KRT8: variants seen among roughly 807,000 people sequenced by gnomAD.
KRT8 encodes keratin, type II cytoskeletal 8.
KRT8 carries 24 observed loss-of-function variants against 43.0 expected under a neutral mutation model. That is an observed-to-expected ratio of 0.56 (90% CI 0.40 to 0.78). The LOEUF is 0.78. KRT8 is among the 30% of genes least tolerant of loss of function. The pLI is 0.00. For missense variants in KRT8, 492 were observed against 638.4 expected (o/e 0.77, Z 2.47); for synonymous variants, 214 against 261.2 (o/e 0.82, Z 1.74).
At chr12:52,899,965 T>C in exon 5 of KRT8, 1 of 1,613,452 alleles carries the variant, frequency 6.2e-7, no homozygotes, top group Non-Finnish European at 8.5e-7. Flanking sequence ...GTACTGTGCC[T>C]TGACCTCAGC....
chr12:52,922,184 TAAAAAAAAAAAAAAAAAAAAAAAA>T (rs57023136), intron 2 of KRT8, among the ~76,000 whole-genome samples: 1 of 38,674 alleles, frequency 2.6e-5, no homozygotes, highest in Non-Finnish European at 4.4e-5. Context: ...ACCCTGTCTC[TAAAAAAAAAAAAAAAAAAAAAAAA>T]AAAAAAAAAA....
At chr12:52,921,280 C>T (rs1941881302) in intron 2 of KRT8, among the ~76,000 whole-genome samples, 1 of 152,182 alleles carries the variant, frequency 6.6e-6, no homozygotes, top group African/African-American at 2.4e-5. Context: ...GGTGACCATC[C>T]AGGGAACATT....
intron 2 of KRT8, among the ~76,000 whole-genome samples, chr12:52,929,044 C>A (rs1274934327): frequency 6.6e-6 from 1 of 152,178 alleles, no homozygotes; most frequent in African/African-American, 2.4e-5. Flanking sequence ...CTCCTACATC[C>A]CCAACCCTAG....
intron 2 of KRT8, chr12:52,949,153 C>T (rs774095001): frequency 1.3e-6 from 2 of 1,566,866 alleles, no homozygotes; most frequent in African/African-American, 1.4e-5. Context: ...GAGTCCTGTC[C>T]TTTCTCTCTC....
intron 2 of KRT8, among the ~76,000 whole-genome samples, chr12:52,943,101 T>C (rs1403320888): frequency 6.6e-6 from 1 of 152,184 alleles, no homozygotes; most frequent in Non-Finnish European, 1.5e-5. Flanking sequence ...TGCTATTGCT[T>C]GTTTAATTAC....
intron 2 of KRT8, chr12:52,926,406 C>A (rs1411698829): frequency 1.6e-6 from 2 of 1,280,740 alleles, no homozygotes; most frequent in Non-Finnish European, 2.0e-6. Context: ...CCTGTTGAAA[C>A]CTTACCCTTC....
At chr12:52,898,249 G>A (rs1941264728) in intron 7 of KRT8, among the ~76,000 whole-genome samples, 1 of 152,216 alleles carries the variant, frequency 6.6e-6, no homozygotes, top group African/African-American at 2.4e-5. Context: ...CACAGCTATG[G>A]TTTATTTGGG....
chr12:52,920,511 T>C (rs557839267), intron 2 of KRT8, among the ~76,000 whole-genome samples: 1 of 152,170 alleles, frequency 6.6e-6, no homozygotes, highest in African/African-American at 2.4e-5. Flanking sequence ...GCAGGCGAAT[T>C]GATTGAACCC....
At chr12:52,934,487 T>C (rs1392778737) in intron 2 of KRT8, among the ~76,000 whole-genome samples, 1 of 151,638 alleles carries the variant, frequency 6.6e-6, no homozygotes, top group Non-Finnish European at 1.5e-5. Flanking sequence ...TTGAACCCAG[T>C]AGGCAGAGGT....
At chr12:52,937,447 G>C (rs890666791) in intron 2 of KRT8, among the ~76,000 whole-genome samples, 1 of 151,990 alleles carries the variant, frequency 6.6e-6, no homozygotes, top group Non-Finnish European at 1.5e-5. Context: ...CAGCACTTTG[G>C]GAGGCTGAGG....
chr12:52,935,078 T>C (rs2120709382), intron 2 of KRT8, among the ~76,000 whole-genome samples: 1 of 141,920 alleles, frequency 7.0e-6, no homozygotes, highest in East Asian at 2.1e-4. Flanking sequence ...AAACTTCATC[T>C]CAAAAGAAAA....
At chr12:52,909,105 T>A (rs1383711690), upstream of KRT8, among the ~76,000 whole-genome samples, 1 of 152,234 alleles carries the variant, frequency 6.6e-6, no homozygotes, top group Admixed American at 6.5e-5. Context: ...AAGCTTCAGA[T>A]TGTTGAATTA....
rs1241247817 is a variant in KRT8, at chr12:52,901,320, TCA to T, written c.534-103_534-102del. The T allele has an allele frequency of 3.5e-6, 3 of 861,470 alleles. No individual in the cohort carries two copies. In the African/African-American group the frequency reaches 5.0e-5, roughly 14 times the overall value. The allele number at this position is 861,470 out of a possible 1,614,324, so 53.4% of individuals were successfully genotyped here. A position where few individuals can be genotyped will look rare whatever the true frequency, so the allele number is the denominator to read the frequency against. Reference sequence around the variant, plus strand: ...GTTGTGAAAATCAGGAAAATTCAGTTCACAGAGATGCAGGATATGAGAAGGCT... The same window carrying T: ...GTTGTGAAAATCAGGAAAATTCAGTTCAGAGATGCAGGATATGAGAAGGCT... On this transcript the variant is annotated intron_variant, in intron 2 of 7. Coordinates refer to ENST00000692008, the Ensembl canonical transcript of KRT8.
chr12:52,902,100 G>A (rs1379875573), intron 1 of KRT8, 28 bp from the exon 2 acceptor site: 6 of 1,424,338 alleles, frequency 4.2e-6, no homozygotes, highest in Non-Finnish European at 5.9e-6. Flanking sequence ...GAGCAAAAAG[G>A]TCTACATCAG....
chr12:52,938,170 A>ATATATATATATATATAT (rs1555189967), intron 2 of KRT8, among the ~76,000 whole-genome samples: 10 of 30,274 alleles, frequency 3.3e-4, no homozygotes, highest in African/African-American at 5.8e-4. Flanking sequence ...ATATATATAT[A>ATATATATATATATATAT]TTTTTTTTTT....
intron 2 of KRT8, among the ~76,000 whole-genome samples, chr12:52,936,673 C>T (rs56355775): frequency 1.8e-3 from 270 of 152,198 alleles, no homozygotes; most frequent in Admixed American, 2.9e-3. Flanking sequence ...CCACTATGCC[C>T]GGCTAATTTT....
At chr12:52,936,432 A>G (rs1398077542) in intron 2 of KRT8, among the ~76,000 whole-genome samples, 1 of 152,082 alleles carries the variant, frequency 6.6e-6, no homozygotes, top group Non-Finnish European at 1.5e-5. Context: ...ACATGTGCAC[A>G]CCATCACACC....
At chr12:52,924,951 G>T (rs1329151474) in intron 2 of KRT8, among the ~76,000 whole-genome samples, 1 of 152,228 alleles carries the variant, frequency 6.6e-6, no homozygotes, top group East Asian at 1.9e-4. Context: ...CATTGGAGCA[G>T]AAATGAGTGA....
At chr12:52,926,335 C>CGA in intron 2 of KRT8, 1 of 703,244 alleles carries the variant, frequency 1.4e-6, no homozygotes, top group Non-Finnish European at 2.4e-6. Context: ...ACTAGCTGCC[C>CGA]TCCCCACCCC....
Sources: gnomAD v4.1 joint callset for allele counts (sites outside exome capture counted in the v4.1 genomes callset) on GRCh38, gnomAD v4.1.1 for gene constraint, MANE v1.5 for transcripts, NCBI Gene and HGNC (gene_info 2026-07-23, HGNC 2026-07-21) for gene names.